The following SRP72 variants were observed in gnomAD, a reference collection of about 807,000 sequenced individuals.
SRP72 encodes signal recognition particle subunit SRP72.
SRP72 carries 49 observed loss-of-function variants against 96.3 expected under a neutral mutation model. That is an observed-to-expected ratio of 0.51 (90% confidence interval 0.40 to 0.65). SRP72 has a LOEUF of 0.65. SRP72 is among the 30% of genes least tolerant of loss of function. The pLI is 0.00. For missense variants in SRP72, 736 were observed against 793.3 expected (o/e 0.93, Z 0.87); for synonymous variants, 267 against 275.2 (o/e 0.97, Z 0.30).
In SRP72 at chr4:56,474,103, T is replaced by G; in HGVS notation, c.404T>G (p.Leu135Arg). 1 of 1,614,142 alleles carries G rather than the reference T, an allele frequency of 6.2e-7. No individual in the cohort carries two copies. The highest frequency in any genetic ancestry group is 8.5e-7 in the Non-Finnish European group (1 of 1,180,018). ...YDECLAVYRD[L>R]VRNSQDDYDE... ...GAATGCTTAGCAGTGTATAGAGATC[T>G]CGTCCGAAACTCCCAAGATGATTAT... The change falls in exon 4 of 19, where the codon CTC becomes CGC. Residue 135 changes from leucine (L) to arginine (R), a missense_variant. Physicochemically the swap from Leu to Arg is moderately radical, Grantham distance 102. Around this residue, in one of 3 missense-constraint regions of SRP72, gnomAD observed 329 missense variants for 319.0 expected, o/e 1.03. Coordinates refer to ENST00000642900, the MANE Select transcript of SRP72 (RefSeq NM_006947.4).
Position 56,502,140 on chromosome 4 carries a change from T to C in SRP72, c.*279T>C, listed in dbSNP as rs1004597753. On this transcript the variant is annotated 3_prime_UTR_variant, in exon 19 of 19. Transcript: ENST00000642900. Reference sequence around the variant, plus strand: ...GTATCCTTTATCTGTGTGTGCTGATTTGATCTTTTTTCAGTTTCACATACC... The same window carrying C: ...GTATCCTTTATCTGTGTGTGCTGATCTGATCTTTTTTCAGTTTCACATACC... 7 of 313,112 alleles carry C rather than the reference T, an allele frequency of 2.2e-5. No individual in the cohort carries two copies. Among genetic ancestry groups the C allele is most frequent in the African/African-American group, 6.5e-5 (3 of 46,218 alleles). The allele number at this position is 313,112 out of a possible 1,614,324, so 19.4% of individuals were successfully genotyped here.
chr4:56,473,073 T>C (rs916161884), intron 3 of SRP72, among the ~76,000 whole-genome samples: 1 of 152,200 alleles, frequency 6.6e-6, no homozygotes, highest in Non-Finnish European at 1.5e-5. Flanking sequence ...GTAATCATTT[T>C]GTGTTGTGGA....
chr4:56,481,771 T>C (rs964200272), intron 8 of SRP72, among the ~76,000 whole-genome samples: 2 of 143,644 alleles, frequency 1.4e-5, no homozygotes, highest in African/African-American at 5.4e-5. Context: ...TTGGCTCCTT[T>C]TTTTTTTTTT....
At chr4:56,467,940 T>C (rs1176868425) in intron 1 of SRP72, among the ~76,000 whole-genome samples, 196 bp downstream of exon 1, 1 of 152,172 alleles carries the variant, frequency 6.6e-6, no homozygotes, top group Non-Finnish European at 1.5e-5. Flanking sequence ...CAGGCCAGCC[T>C]GGGGTCCCTG....
chr4:56,482,035 A>C (rs1176822485), intron 8 of SRP72, among the ~76,000 whole-genome samples: 1 of 150,972 alleles, frequency 6.6e-6, no homozygotes, highest in East Asian at 2.0e-4. Flanking sequence ...AAGTGCTGGG[A>C]TTACAGGCGT....
intron 16 of SRP72, among the ~76,000 whole-genome samples, chr4:56,494,431 G>A (rs62309300): frequency 0.28 from 40,635 of 146,068 alleles, 5,678 homozygotes; most frequent in Middle Eastern, 0.35. Context: ...TTGAGACGGA[G>A]TCTTGCTCCA....
intron 2 of SRP72, among the ~76,000 whole-genome samples, chr4:56,470,554 C>G (rs2110111060): frequency 6.7e-6 from 1 of 148,762 alleles, no homozygotes; most frequent in African/African-American, 2.5e-5. Context: ...AAAAAAAAGT[C>G]ATTTGTAGGA....
Position 56,484,850 on chromosome 4 carries a change from A to G in SRP72, c.1072A>G (p.Ile358Val), listed in dbSNP as rs764520914. 15 of 1,610,152 alleles carry G rather than the reference A, an allele frequency of 9.3e-6. No homozygotes were observed. In the African/African-American group the frequency reaches 1.5e-4, roughly 16 times the overall value. Residue 358 changes from isoleucine to valine, a missense_variant, in exon 10 of 19, where the codon ATA (isoleucine) becomes GTA (valine). Transcript: ENST00000642900. ...LCREKQHTKAIELLQEFSDQH... is the reference protein window; with the variant it reads ...LCREKQHTKAVELLQEFSDQH... ...CCGTGAAAAGCAGCACACAAAAGCA[A>G]TAGAGCTGCTTCAGGTAAAATAATT...
Position 56,478,600 on chromosome 4 carries a change from A to G in SRP72, c.776A>G (p.Asp259Gly), listed in dbSNP as rs1349568637. The part of the protein sequence containing the change: ...YNQIIKLKPT[D>G]VGLLAVIANN... ...TTGCTTGTTGTTCACAGACCAACAG[A>G]TGTGGGATTACTAGCTGTAATTGCA... The change falls in exon 8 of 19, where the codon GAT becomes GGT. Residue 259 changes from aspartate (D) to glycine (G), a missense_variant. By Grantham distance (94) the Asp-to-Gly change is moderately conservative. Transcript: ENST00000642900. The G allele has an allele frequency of 1.9e-6, 3 of 1,613,934 alleles. No individual in the cohort carries two copies. The highest frequency in any genetic ancestry group is 4.5e-5 in the East Asian group (2 of 44,880).
rs145835499 is a variant in SRP72, at chr4:56,470,078, ATAAC to A, written c.230+307_230+310del. Among the ~76,000 whole-genome samples the A allele has an allele frequency of 0.19, 28,791 of 151,532 alleles. 3,138 individuals carry two copies. The highest frequency in any genetic ancestry group is 0.35 in the Admixed American group (5,284 of 15,196). ...TGAGTCGTTGGAGGATGTAGCAAGA[ATAAC>A]TCAGTCGAAGTTTCTTTACTGTTAT... On this transcript the variant is annotated intron_variant, in intron 2 of 18. Transcript: ENST00000642900.
At chr4:56,478,231 C>T in intron 6 of SRP72, 148 bp from the exon 7 acceptor site, 2 of 489,082 alleles carry the variant, frequency 4.1e-6, no homozygotes, top group Non-Finnish European at 3.2e-6. Context: ...TTCTCTCTTG[C>T]TGGCTGTTTC....
At chr4:56,485,425 AT>A (rs1264752823) in intron 10 of SRP72, among the ~76,000 whole-genome samples, 21 of 149,060 alleles carry the variant, frequency 1.4e-4, no homozygotes, top group African/African-American at 4.5e-4. Flanking sequence ...AAAAAAATCT[AT>A]TTAGTAATCT....
At chr4:56,492,134 G>A (rs766100196) in intron 16 of SRP72, among the ~76,000 whole-genome samples, 15 of 152,198 alleles carry the variant, frequency 9.9e-5, no homozygotes, top group Non-Finnish European at 1.9e-4. Flanking sequence ...ATTTTTTACA[G>A]AAGGAGGATT....
intron 8 of SRP72, among the ~76,000 whole-genome samples, chr4:56,481,456 G>A (rs539013749): frequency 1.3e-5 from 2 of 152,174 alleles, no homozygotes; most frequent in Admixed American, 6.5e-5. Flanking sequence ...ATTCTTAATA[G>A]GACTTTCTTT....
At chr4:56,482,311 G>A (rs951451066) in intron 8 of SRP72, among the ~76,000 whole-genome samples, 1 of 151,284 alleles carries the variant, frequency 6.6e-6, no homozygotes, top group Non-Finnish European at 1.5e-5. Context: ...AGCCAGGCAT[G>A]GTGGCGGGCA....
Position 56,500,678 on chromosome 4 carries a change from A to G in SRP72, c.1821A>G (p.Ala607=), listed in dbSNP as rs1158013118. Residue 607 remains alanine (A), a synonymous_variant, in exon 18 of 19, where the codon GCA becomes GCG. Coordinates refer to ENST00000642900, the MANE Select transcript of SRP72 (RefSeq NM_006947.4). The part of the protein sequence containing the change: ...QIGKGTQGAT[A]GASSELDASK... Reference sequence around the variant, plus strand: ...GAAAAGGGACCCAGGGAGCAACTGCAGGAGCTTCATCTGAACTGTAAGTTA... The same window carrying G: ...GAAAAGGGACCCAGGGAGCAACTGCGGGAGCTTCATCTGAACTGTAAGTTA... 1 of 1,613,818 alleles carries G rather than the reference A, an allele frequency of 6.2e-7. No individual in the cohort carries two copies. Among genetic ancestry groups the G allele is most frequent in the South Asian group, 1.1e-5 (1 of 91,014 alleles).
At chr4:56,500,272 G>A (rs1409633304) in intron 17 of SRP72, among the ~76,000 whole-genome samples, 2 of 152,132 alleles carry the variant, frequency 1.3e-5, no homozygotes, top group African/African-American at 2.4e-5. Flanking sequence ...TGTAGATGAC[G>A]GGTTGATGGG....
At chr4:56,479,481 G>C (rs966048555) in intron 8 of SRP72, among the ~76,000 whole-genome samples, 5 of 151,428 alleles carry the variant, frequency 3.3e-5, no homozygotes, top group Admixed American at 2.6e-4. Context: ...GCCCGGCCAG[G>C]AACACTCTAA....
chr4:56,473,054 C>T (rs1028946907), intron 3 of SRP72, among the ~76,000 whole-genome samples: 2 of 151,950 alleles, frequency 1.3e-5, no homozygotes, highest in Admixed American at 6.6e-5. Context: ...TAATTTTGTT[C>T]CTATTTTAGT....
Sources: gnomAD v4.1 joint callset for allele counts (sites outside exome capture counted in the v4.1 genomes callset) on GRCh38, gnomAD v4.1.1 for gene constraint, gnomAD v4.1.1 regional missense constraint, MANE v1.5 for transcripts, NCBI Gene and HGNC (gene_info 2026-07-23, HGNC 2026-07-21) for gene names.